Variants in INVS observed in about 807,000 individuals in gnomAD.
INVS encodes inversin.
In INVS, 86 loss-of-function variants were observed where a neutral mutation model predicts 108.8. That is an observed-to-expected ratio of 0.79 (90% CI 0.66 to 0.95). The LOEUF is 0.95. Among genes scored for constraint, INVS ranks in the 40% least tolerant of loss-of-function variants. The pLI, the probability that INVS is intolerant of heterozygous loss-of-function variation, is 0.00. For synonymous variants in INVS, 455 were observed against 473.5 expected (o/e 0.96, Z 0.51); for missense variants, 1,169 against 1,297.4 (o/e 0.90, Z 1.52).
chr9:100,111,269 C>T (rs775947110), intron 2 of INVS, among the ~76,000 whole-genome samples: 4 of 152,234 alleles, frequency 2.6e-5, no homozygotes, highest in Admixed American at 6.5e-5. Flanking sequence ...GTTGCTGTAG[C>T]TATTGTGCGG....
intron 3 of INVS, chr9:100,175,250 A>C: frequency 3.2e-6 from 2 of 625,238 alleles, no homozygotes; most frequent in East Asian, 5.8e-5. Context: ...CTCTTTGCCA[A>C]TGTCTGTGAT....
intron 3 of INVS, among the ~76,000 whole-genome samples, chr9:100,169,542 A>C (rs1829472877): frequency 6.6e-6 from 1 of 152,348 alleles, no homozygotes; most frequent in African/African-American, 2.4e-5. Context: ...ACACAATTTT[A>C]TAAAAAAAGT....
intron 3 of INVS, chr9:100,129,558 C>A: frequency 2.1e-5 from 10 of 476,850 alleles, no homozygotes; most frequent in South Asian, 9.1e-5. Flanking sequence ...AATAAGAAAC[C>A]AACAAGACAC....
In INVS at chr9:100,300,761, G is replaced by A; in HGVS notation, c.*87G>A. 1 of 936,340 alleles carries A rather than the reference G, an allele frequency of 1.1e-6. No homozygotes were observed. Among genetic ancestry groups the A allele is most frequent in the Non-Finnish European group, 1.7e-6 (1 of 585,658 alleles). The allele number at this position is 936,340 out of a possible 1,614,324, so 58.0% of individuals were successfully genotyped here. A position where few individuals can be genotyped will look rare whatever the true frequency, so the allele number is the denominator to read the frequency against. ...TCTGCTGATAATCTTTTACACCTTG[G>A]GAAAACTTTAATATCCGTACCTGAA... On this transcript the variant is annotated 3_prime_UTR_variant, in exon 17 of 17. Transcript: ENST00000262457.
At chr9:100,103,274 C>G (rs771411853) in intron 1 of INVS, among the ~76,000 whole-genome samples, 8 of 152,202 alleles carry the variant, frequency 5.3e-5, no homozygotes, top group Non-Finnish European at 1.0e-4. Flanking sequence ...AAACTTCCAC[C>G]TCAGCCTCCC....
In INVS at chr9:100,246,567, G is replaced by A. The variant is rs369329049; in HGVS notation, c.907-49G>A. On this transcript the variant is annotated intron_variant, in intron 7 of 16. Coordinates refer to ENST00000262457, the MANE Select transcript of INVS (RefSeq NM_014425.5). ...ATTATTATATGACTTTATTACCACA[G>A]AAAATACTACTGTTTTGTCTCCATT... 81 of 1,391,978 alleles carry A rather than the reference G, an allele frequency of 5.8e-5. No homozygotes were observed. The African/African-American group carries it at 9.3e-4, about 16-fold the overall frequency. 86.2% of individuals were successfully genotyped at this position (1,391,978 alleles called of 1,614,324 possible). A position where few individuals can be genotyped will look rare whatever the true frequency, so the allele number is the denominator to read the frequency against.
intron 4 of INVS, 62 bp downstream of exon 4, chr9:100,226,297 G>T: frequency 6.8e-7 from 1 of 1,464,132 alleles, no homozygotes; most frequent in African/African-American, 1.4e-5. Context: ...CTTTTATGAT[G>T]TGAAATTTCA....
chr9:100,100,614 ATATATGTATATATAATATATATAT>A (rs1826812839), intron 1 of INVS, among the ~76,000 whole-genome samples: 1 of 69,246 alleles, frequency 1.4e-5, no homozygotes, highest in African/African-American at 6.4e-5. Flanking sequence ...AATATATATA[ATATATGTATATATAATATATATAT>A]TATATATGTA....
chr9:100,276,013 A>G (rs1376093940), intron 12 of INVS, among the ~76,000 whole-genome samples: 1 of 152,132 alleles, frequency 6.6e-6, no homozygotes, highest in African/African-American at 2.4e-5. Context: ...TATTTCACTC[A>G]AATCTCAGAT....
intron 13 of INVS, among the ~76,000 whole-genome samples, chr9:100,286,507 C>T (rs1161218572): frequency 6.6e-6 from 1 of 152,188 alleles, no homozygotes; most frequent in Non-Finnish European, 1.5e-5. Context: ...CGTCACTGCA[C>T]TCCAGCCTGG....
chr9:100,292,743 G>A lies in INVS; in HGVS notation c.2486G>A (p.Arg829His), dbSNP rs550327048. Residue 829 changes from arginine (R) to histidine (H), a missense_variant, in exon 14 of 17, where the codon CGT becomes CAT. This residue lies in a region of INVS where 533 missense variants were observed against 536.0 expected (regional missense o/e 0.99). Coordinates refer to ENST00000262457, the MANE Select transcript of INVS (RefSeq NM_014425.5). ...VHAGQNPPHHRTPRNKVTQAK... is the reference protein window; with the variant it reads ...VHAGQNPPHHHTPRNKVTQAK... ...GCTGGGCAGAATCCTCCCCACCATCGTACACCAAGAAACAAAGTGACACAA... is the reference window on the plus strand; with the variant it reads ...GCTGGGCAGAATCCTCCCCACCATCATACACCAAGAAACAAAGTGACACAA... The A allele has an allele frequency of 1.3e-5, 21 of 1,614,094 alleles. No homozygotes were observed. The highest frequency in any genetic ancestry group is 1.6e-4 in the Middle Eastern group (1 of 6,062).
chr9:100,123,483 T>G (rs1003784794), intron 2 of INVS, among the ~76,000 whole-genome samples: 2 of 152,242 alleles, frequency 1.3e-5, no homozygotes, highest in Non-Finnish European at 2.9e-5. Context: ...ATACAACATT[T>G]TGTTTAACCA....
intron 3 of INVS, among the ~76,000 whole-genome samples, chr9:100,152,957 C>G (rs1281066327): frequency 6.6e-6 from 1 of 151,686 alleles, no homozygotes; most frequent in African/African-American, 2.4e-5. Flanking sequence ...CTGTAAACTT[C>G]ATGTATGTAA....
intron 2 of INVS, among the ~76,000 whole-genome samples, chr9:100,113,195 T>C (rs1379897432): frequency 6.6e-6 from 1 of 152,246 alleles, no homozygotes; most frequent in African/African-American, 2.4e-5. Context: ...CTAGATTAGA[T>C]ATTGAAGGCT....
At chr9:100,167,273 C>T (rs1829392918) in intron 3 of INVS, among the ~76,000 whole-genome samples, 1 of 152,004 alleles carries the variant, frequency 6.6e-6, no homozygotes, top group Non-Finnish European at 1.5e-5. Flanking sequence ...CTAAGTATTT[C>T]CTGTGATCTA....
intron 3 of INVS, among the ~76,000 whole-genome samples, chr9:100,200,762 G>C (rs796650308): frequency 6.6e-5 from 10 of 152,262 alleles, no homozygotes; most frequent in African/African-American, 2.4e-4. Flanking sequence ...GATCAGCCAA[G>C]GATTTTAAGG....
chr9:100,194,838 T>G (rs1229939716), intron 3 of INVS, among the ~76,000 whole-genome samples: 1 of 152,132 alleles, frequency 6.6e-6, no homozygotes, highest in Non-Finnish European at 1.5e-5. Flanking sequence ...CTGGTAGGAA[T>G]GAGTGTGGCT....
chr9:100,189,205 A>T, intron 3 of INVS, among the ~76,000 whole-genome samples: 1 of 113,006 alleles, frequency 8.8e-6, no homozygotes, highest in Admixed American at 9.8e-5. Flanking sequence ...GTTCTTTTAT[A>T]TTGTTTATGT....
At chr9:100,252,477 C>T (rs1832268495) in intron 9 of INVS, 39 bp downstream of exon 9, 2 of 1,574,610 alleles carry the variant, frequency 1.3e-6, no homozygotes, top group South Asian at 2.2e-5. Context: ...TCTCTCTTAA[C>T]AGGTAGGAAT....
Sources: allele counts gnomAD v4.1 joint callset (sites outside exome capture counted in the v4.1 genomes callset), GRCh38; gene constraint gnomAD v4.1.1; regional missense constraint gnomAD v4.1.1; transcripts MANE v1.5; gene names NCBI Gene and HGNC (gene_info 2026-07-23, HGNC 2026-07-21).